The following CD163L1 variants were observed in gnomAD, a reference collection of about 807,000 sequenced individuals.
CD163L1 encodes the protein CD163 molecule like 1.
In CD163L1, 124 loss-of-function variants were observed where a neutral mutation model predicts 165.4. The observed-to-expected ratio is 0.75, with a 90% CI of 0.65 to 0.87. The LOEUF is 0.87. CD163L1 is among the 40% of genes least tolerant of loss of function. The pLI is 0.00. For missense variants in CD163L1, 1,525 were observed against 1,799.9 expected (o/e 0.85, Z 2.76); for synonymous variants, 585 against 662.2 (o/e 0.88, Z 1.79).
At chr12:7,412,160 T>C (rs1214137980) in intron 4 of CD163L1, among the ~76,000 whole-genome samples, 1 of 152,234 alleles carries the variant, frequency 6.6e-6, no homozygotes, top group Admixed American at 6.5e-5. Flanking sequence ...ATGGCTTTAA[T>C]GCTAAAATAT....
the CD163L1 span, among the ~76,000 whole-genome samples, chr12:7,331,267 T>C: frequency 6.6e-6 from 1 of 152,050 alleles, no homozygotes; most frequent in Admixed American, 6.5e-5. Flanking sequence ...CAGGCTTGAG[T>C]AGGTAAACAA....
chr12:7,341,715 C>A (rs376886428), downstream of CD163L1, among the ~76,000 whole-genome samples: 1 of 152,042 alleles, frequency 6.6e-6, no homozygotes, highest in Admixed American at 6.6e-5. Context: ...GGATGGGAAA[C>A]GACCCATTAC....
Position 7,432,453 on chromosome 12 carries a change from G to A in CD163L1, c.729C>T (p.Asp243=). Residue 243 remains aspartate, a synonymous_variant, in exon 4 of 20, where the codon GAC becomes GAT. Coordinates refer to ENST00000313599, the MANE Select transcript of CD163L1 (RefSeq NM_174941.6). The surrounding 1 kb of genome is among the most constrained non-coding windows in gnomAD (Gnocchi z 4.2). ...ATGTGACATCCTCATTGTGACTGCA[G>A]TCATGATTTCCCCATCCACGATGTC... The part of the protein sequence containing the change: ...NCRHRGWGNH[D]CSHNEDVTLT... 1 of 1,613,896 alleles carries A rather than the reference G, an allele frequency of 6.2e-7. No individual in the cohort carries two copies. The highest frequency in any genetic ancestry group is 8.5e-7 in the Non-Finnish European group (1 of 1,179,874).
In CD163L1 at chr12:7,396,103, A is replaced by T; in HGVS notation, c.2042T>A (p.Ile681Asn). Residue 681 changes from isoleucine to asparagine, a missense_variant, in exon 8 of 20, where the codon ATC becomes AAC. Physicochemically the swap from Ile to Asn is moderately radical, Grantham distance 149 (BLOSUM62 -3). Coordinates refer to ENST00000313599, the MANE Select transcript of CD163L1 (RefSeq NM_174941.6). ...TGGTTTGGGTATCTTACCAGAACAG[A>T]TCACTCCAACATCTTCACTGTGACT... The part of the protein sequence containing the change: ...DCSHSEDVGV[I>N]CSDASDMELR... The T allele has an allele frequency of 6.2e-7, 1 of 1,611,904 alleles. No individual in the cohort carries two copies. The highest frequency in any genetic ancestry group is 8.5e-7 in the Non-Finnish European group (1 of 1,178,822).
At chr12:7,393,267 C>T (rs774708946) in intron 8 of CD163L1, among the ~76,000 whole-genome samples, 3 of 152,122 alleles carry the variant, frequency 2.0e-5, no homozygotes, top group Non-Finnish European at 2.9e-5. Context: ...GCTGGTTCAA[C>T]GTGTGCAAAT....
intron 8 of CD163L1, among the ~76,000 whole-genome samples, chr12:7,379,678 T>C (rs1393955402): frequency 6.6e-6 from 1 of 152,106 alleles, no homozygotes; most frequent in East Asian, 1.9e-4. Context: ...CTAAAGAGAA[T>C]GTTAGGAAGA....
rs147836209 is a variant in CD163L1, at chr12:7,375,400, C to G, written c.2882G>C (p.Arg961Pro). The change falls in exon 11 of 20, where the codon CGT (arginine) becomes CCT (proline). Residue 961 changes from arginine to proline, a missense_variant. Coordinates refer to ENST00000313599, the MANE Select transcript of CD163L1 (RefSeq NM_174941.6). ...GGKYIGERSVRVWGHRFHCLG... is the reference protein window; with the variant it reads ...GGKYIGERSVPVWGHRFHCLG... ...GCAATGAAACCTGTGTCCCCACACA[C>G]GAACACTTCTTTCTCCAATATATTT... 2 of 1,614,162 alleles carry G rather than the reference C, an allele frequency of 1.2e-6. No homozygotes were observed. Among genetic ancestry groups the G allele is most frequent in the Non-Finnish European group, 8.5e-7 (1 of 1,180,030 alleles).
At chr12:7,439,433 G>A (rs1371414614) in intron 2 of CD163L1, 2 of 1,587,042 alleles carry the variant, frequency 1.3e-6, no homozygotes, top group Non-Finnish European at 1.7e-6. Flanking sequence ...GAGCTCTCCA[G>A]GTCTGGTTTG....
chr12:7,389,378 T>A (rs1947594612), intron 8 of CD163L1, among the ~76,000 whole-genome samples: 2 of 152,194 alleles, frequency 1.3e-5, no homozygotes. Context: ...CTTTTTCATA[T>A]GCCTATTATG....
At chr12:7,440,629 C>CTTTTTTTTTTTT in intron 2 of CD163L1, among the ~76,000 whole-genome samples, 1 of 116,382 alleles carries the variant, frequency 8.6e-6, no homozygotes, top group Non-Finnish European at 1.8e-5. Context: ...TATCTTTTTT[C>CTTTTTTTTTTTT]TTTTTTTTTT....
chr12:7,323,582 G>C, the CD163L1 span: 5 of 1,595,958 alleles, frequency 3.1e-6, no homozygotes, highest in Non-Finnish European at 4.3e-6. Context: ...GAAAGTGCTG[G>C]TCATGCTTAA....
In CD163L1 at chr12:7,398,177, T is replaced by G; in HGVS notation, c.1729+87A>C. 1 of 1,227,964 alleles carries G rather than the reference T, an allele frequency of 8.1e-7. No homozygotes were observed. The highest frequency in any genetic ancestry group is 2.4e-5 in the East Asian group (1 of 42,118). The allele number at this position is 1,227,964 out of a possible 1,614,324, so 76.1% of individuals were successfully genotyped here. On this transcript the variant is annotated intron_variant, in intron 7 of 19. Coordinates refer to ENST00000313599, the MANE Select transcript of CD163L1 (RefSeq NM_174941.6). This position sits in a 1 kb window ranked among gnomAD's most constrained non-coding sequence, Gnocchi z 4.5. ...CATGGCCCCTCAATCAATTCCCACA[T>G]GTAAGCCAGTTTATAGACCCAGAAG...
chr12:7,344,543 A>G (rs771520824), downstream of CD163L1, among the ~76,000 whole-genome samples: 19 of 152,312 alleles, frequency 1.2e-4, no homozygotes, highest in African/African-American at 4.1e-4. Flanking sequence ...TGGATCTACC[A>G]TTCTTGGGTC....
intron 18 of CD163L1, among the ~76,000 whole-genome samples, chr12:7,360,270 G>A (rs1162024901): frequency 1.3e-5 from 2 of 151,948 alleles, no homozygotes; most frequent in Non-Finnish European, 2.9e-5. Flanking sequence ...AGCCTCCCAA[G>A]TAAGTGGGAT....
In CD163L1 at chr12:7,373,336, G is replaced by A. The variant is rs1245877511; in HGVS notation, c.3714C>T (p.Thr1238=). 1 of 1,611,818 alleles carries A rather than the reference G, an allele frequency of 6.2e-7. No homozygotes were observed. The highest frequency in any genetic ancestry group is 1.1e-5 in the South Asian group (1 of 90,870). The change falls in exon 14 of 20, where the codon ACC becomes ACT. Residue 1238 remains threonine (T), a synonymous_variant. Coordinates refer to ENST00000313599, the MANE Select transcript of CD163L1 (RefSeq NM_174941.6). ...GATACCCACCTTCACATGTGATCCA[G>A]GTCTCTTCTGCTGGGCTGGAGATTC... The part of the protein sequence containing the change: ...ERRISSPAEE[T]WITCEDRIRV...
intron 4 of CD163L1, among the ~76,000 whole-genome samples, chr12:7,421,552 T>C (rs189292139): frequency 1.5e-5 from 2 of 136,942 alleles, no homozygotes; most frequent in Admixed American, 7.6e-5. Flanking sequence ...CACATATACA[T>C]ATACATATAT....
At chr12:7,323,308 T>A in the CD163L1 span, 1 of 1,610,646 alleles carries the variant, frequency 6.2e-7, no homozygotes, top group African/African-American at 1.3e-5. Flanking sequence ...TGCCCTATGA[T>A]GTCCAGGTAG....
Position 7,373,520 on chromosome 12 carries a change from G to C in CD163L1, c.3530C>G (p.Ala1177Gly). The change falls in exon 14 of 20, where the codon GCA becomes GGA. Residue 1177 changes from alanine (A) to glycine (G), a missense_variant. Coordinates refer to ENST00000313599, the MANE Select transcript of CD163L1 (RefSeq NM_174941.6). ...GCCCAGCTGCCTGCACACAATGCCTGCTATGGCTGTGGTGATGTTCCTCCT... is the reference window on the plus strand; with the variant it reads ...GCCCAGCTGCCTGCACACAATGCCTCCTATGGCTGTGGTGATGTTCCTCCT... ...VGRRNITTAIAGIVCRQLGCG... is the reference protein window; with the variant it reads ...VGRRNITTAIGGIVCRQLGCG... 6.2e-7 allele frequency: 1 copy of C among 1,614,222 alleles called. No homozygotes were observed. The highest frequency in any genetic ancestry group is 1.1e-5 in the South Asian group (1 of 91,088).
chr12:7,440,067 C>T, intron 2 of CD163L1: 6 of 1,101,582 alleles, frequency 5.4e-6, no homozygotes, highest in Non-Finnish European at 8.1e-6. Context: ...GCGCTCCGCC[C>T]TACTCCACAT....
Sources: allele counts gnomAD v4.1 joint callset (sites outside exome capture counted in the v4.1 genomes callset), GRCh38; gene constraint gnomAD v4.1.1; non-coding constraint Gnocchi (gnomAD v3.1); transcripts MANE v1.5; gene names NCBI Gene and HGNC (gene_info 2026-07-23, HGNC 2026-07-21).